ANKRD11: variants seen among roughly 807,000 people sequenced by gnomAD.
ANKRD11 encodes ankyrin repeat domain-containing protein 11.
A neutral mutation model predicts 195.7 loss-of-function variants in ANKRD11; 17 were observed. The ratio of observed to expected loss-of-function variants is 0.09; its 90% confidence interval spans 0.06 to 0.13. ANKRD11 has a LOEUF of 0.13. Ranked by LOEUF, ANKRD11 falls within the 10% of genes least tolerant of loss-of-function variation. The pLI, the probability that ANKRD11 is intolerant of heterozygous loss-of-function variation, is 1.00. For synonymous variants in ANKRD11, 1,953 were observed against 1,528.1 expected, an observed-to-expected ratio of 1.28 and a Z score of -6.49; for missense variants, 3,735 against 3,566.1, an observed-to-expected ratio of 1.05 and a Z score of -1.21.
At chr16:89,326,564 A>C (rs2037735336) in intron 2 of ANKRD11, among the ~76,000 whole-genome samples, 1 of 152,116 alleles carries the variant, frequency 6.6e-6, no homozygotes, top group Non-Finnish European at 1.5e-5. Flanking sequence ...AATGTAGGGA[A>C]ACCTCATCTT....
chr16:89,455,286 G>C (rs961094724), intron 1 of ANKRD11, among the ~76,000 whole-genome samples: 4 of 145,968 alleles, frequency 2.7e-5, no homozygotes, highest in African/African-American at 1.0e-4. Flanking sequence ...TGCTTCTAGC[G>C]TTCCTCAAGC....
intron 1 of ANKRD11, among the ~76,000 whole-genome samples, chr16:89,488,431 A>C (rs938566805): frequency 6.6e-6 from 1 of 151,176 alleles, no homozygotes; most frequent in Non-Finnish European, 1.5e-5. Context: ...AAGGCTGAGC[A>C]AGACATCCGC....
chr16:89,468,463 G>A (rs539520674), intron 1 of ANKRD11, among the ~76,000 whole-genome samples: 1 of 152,344 alleles, frequency 6.6e-6, no homozygotes, highest in South Asian at 2.1e-4. Flanking sequence ...CCAGGACTTT[G>A]GGAGGCTGAG....
intron 1 of ANKRD11, among the ~76,000 whole-genome samples, chr16:89,483,441 G>A (rs1012741402): frequency 1.3e-5 from 2 of 152,218 alleles, no homozygotes; most frequent in Admixed American, 6.5e-5. Context: ...AACTGTAAGT[G>A]CAAGCGTGCA....
At chr16:89,274,538 T>G (rs1412581799) in intron 11 of ANKRD11, among the ~76,000 whole-genome samples, 1 of 152,184 alleles carries the variant, frequency 6.6e-6, no homozygotes, top group African/African-American at 2.4e-5. Context: ...TCCAACTGCA[T>G]GGACAAGTGT....
rs75539864 is a variant in ANKRD11, at chr16:89,379,319, A to G, written c.-60+38965T>C. ...GTGCCAGTTCCTAAGTGGAACAACA[A>G]TTTTATAAAATAATTTTAAATGGCT... On this transcript the variant is annotated intron_variant, in intron 2 of 12. Transcript: ENST00000301030. Among the ~76,000 whole-genome samples the G allele has an allele frequency of 1.8e-3, 273 of 152,336 alleles. 2 individuals are homozygous for G. The highest frequency in any genetic ancestry group is 5.8e-3 in the African/African-American group (241 of 41,574).
At position 89,271,024 on chromosome 16, in the gene ANKRD11, C is replaced by G. The variant is rs959710570; in HGVS notation, c.7714-115G>C. 4 of 898,118 alleles carry G rather than the reference C, an allele frequency of 4.5e-6. No individual in the cohort carries two copies. The African/African-American group carries it at 4.9e-5, about 11-fold the overall frequency. 55.6% of individuals were successfully genotyped at this position (898,118 alleles called of 1,614,324 possible). ...TCTCAAGGGACAACCACAGGGGGAG[C>G]CTCATTCCACCGCGCACACACTGAA... is the stretch of plus-strand genomic sequence containing the variant. On this transcript the variant is annotated intron_variant, in intron 11 of 12. Coordinates refer to ENST00000301030, the MANE Select transcript of ANKRD11 (RefSeq NM_013275.6).
At position 89,282,975 on chromosome 16, in the gene ANKRD11, C is replaced by CCCT; in HGVS notation, c.3564_3566dup (p.Gly1189dup). On this transcript the variant is annotated inframe_insertion, in exon 9 of 13. Transcript: ENST00000301030. ...TTTTGTCTCTCCCCGCGTCGGCAGC[C>CCCT]CCTCGGTCCTTTCTCCTGTCTCTGG... 6.2e-7 allele frequency: 1 copy of CCCT among 1,613,614 alleles called. No homozygotes were observed. The highest frequency in any genetic ancestry group is 2.2e-5 in the East Asian group (1 of 44,856).
intron 1 of ANKRD11, among the ~76,000 whole-genome samples, chr16:89,451,938 C>T (rs968388083): frequency 6.6e-6 from 1 of 152,054 alleles, no homozygotes; most frequent in African/African-American, 2.4e-5. Flanking sequence ...TGTGTCTAGA[C>T]GTTCAAAATT....
intron 2 of ANKRD11, among the ~76,000 whole-genome samples, chr16:89,381,354 A>AAAAAAAAAAAAAAG (rs1555560066): frequency 1.8e-4 from 22 of 125,330 alleles, no homozygotes; most frequent in African/African-American, 6.9e-4. Flanking sequence ...AAAAAAAAAA[A>AAAAAAAAAAAAAAG]GGGGTGAGAA....
At chr16:89,488,763 GCA>G (rs1320808565) in intron 1 of ANKRD11, among the ~76,000 whole-genome samples, 2 of 152,170 alleles carry the variant, frequency 1.3e-5, no homozygotes, top group South Asian at 2.1e-4. Context: ...CAACAACTGT[GCA>G]CACTTTTATT....
chr16:89,384,337 C>G (rs1214710834), intron 2 of ANKRD11, among the ~76,000 whole-genome samples: 1 of 152,200 alleles, frequency 6.6e-6, no homozygotes, highest in Non-Finnish European at 1.5e-5. Flanking sequence ...TCGAGACCAG[C>G]CCGTCCAACA....
intron 1 of ANKRD11, among the ~76,000 whole-genome samples, chr16:89,420,858 T>C (rs1018068753): frequency 6.6e-6 from 1 of 152,186 alleles, no homozygotes; most frequent in African/African-American, 2.4e-5. Flanking sequence ...AGACATTTTC[T>C]AAGGTGTGAA....
At chr16:89,364,978 A>G (rs114901887) in intron 2 of ANKRD11, among the ~76,000 whole-genome samples, 4,479 of 152,342 alleles carry the variant, frequency 0.029, 149 homozygotes, top group African/African-American at 0.075. Context: ...AAATTTTGGC[A>G]TGGAAATCAC....
intron 2 of ANKRD11, among the ~76,000 whole-genome samples, chr16:89,386,513 G>C (rs2040917259): frequency 1.3e-5 from 2 of 152,200 alleles, no homozygotes; most frequent in Non-Finnish European, 2.9e-5. Flanking sequence ...GAGGGTGTGG[G>C]GGAAAGGGGG....
chr16:89,367,253 G>T (rs748138692), intron 2 of ANKRD11, among the ~76,000 whole-genome samples: 15 of 152,220 alleles, frequency 9.9e-5, no homozygotes, highest in Admixed American at 3.9e-4. Context: ...TTCTCTCAGG[G>T]GTGGGTAGAG....
chr16:89,482,292 G>A (rs1444885330), intron 1 of ANKRD11, among the ~76,000 whole-genome samples: 1 of 152,156 alleles, frequency 6.6e-6, no homozygotes, highest in Non-Finnish European at 1.5e-5. Flanking sequence ...GCCACACCGT[G>A]CTTTACAAAC....
chr16:89,386,725 T>G (rs1209123722), intron 2 of ANKRD11, among the ~76,000 whole-genome samples: 2 of 152,196 alleles, frequency 1.3e-5, no homozygotes, highest in Non-Finnish European at 2.9e-5. Flanking sequence ...AGTTTTTTAT[T>G]AAAACCATTG....
At position 89,287,514 on chromosome 16, in the gene ANKRD11, A is replaced by AC. The variant is rs1023776966; in HGVS notation, c.744+1013dup. 13 of 197,188 alleles carry AC rather than the reference A, an allele frequency of 6.6e-5. No homozygotes were observed. The Admixed American group carries it at 7.0e-4, about 11-fold the overall frequency. 12.2% of individuals were successfully genotyped at this position (197,188 alleles called of 1,614,324 possible). A position where few individuals can be genotyped will look rare whatever the true frequency, so the allele number is the denominator to read the frequency against. On this transcript the variant is annotated intron_variant, in intron 7 of 12. Transcript: ENST00000301030. ...CTGCATCGGATGCCCCAGCCCCATC[A>AC]CCCTCCAGGGCCATTCCCCTCACAC...
Sources: allele counts gnomAD v4.1 joint callset (sites outside exome capture counted in the v4.1 genomes callset), GRCh38; gene constraint gnomAD v4.1.1; transcripts MANE v1.5; gene names NCBI Gene and HGNC (gene_info 2026-07-23, HGNC 2026-07-21).